Variants in RIMS2 observed in about 807,000 individuals in gnomAD.
RIMS2 encodes the protein regulating synaptic membrane exocytosis 2, also known as regulating synaptic membrane exocytosis protein 2.
A neutral mutation model predicts 174.4 loss-of-function variants in RIMS2; 59 were observed. The observed-to-expected ratio is 0.34, with a 90% CI of 0.27 to 0.42. RIMS2 has a LOEUF of 0.42. Ranked by LOEUF, RIMS2 falls within the 10% of genes least tolerant of loss-of-function variation. RIMS2 has a pLI of 1.00. For missense variants in RIMS2, 1,620 were observed against 1,666.3 expected (o/e 0.97, Z 0.48); for synonymous variants, 606 against 572.5 (o/e 1.06, Z -0.84).
At chr8:103,611,534 T>A (rs1395747941) in intron 1 of RIMS2, among the ~76,000 whole-genome samples, 2 of 81,776 alleles carry the variant, frequency 2.4e-5, no homozygotes, top group African/African-American at 5.1e-5. Flanking sequence ...TTGGGAGGAA[T>A]TTTTTTTTTT....
chr8:103,538,391 T>C (rs1840849892), intron 1 of RIMS2, among the ~76,000 whole-genome samples: 1 of 152,166 alleles, frequency 6.6e-6, no homozygotes, highest in Non-Finnish European at 1.5e-5. Context: ...CATGAGTAAG[T>C]TCTTTCCTGG....
intron 19 of RIMS2, among the ~76,000 whole-genome samples, chr8:104,139,525 A>T (rs968677069): frequency 8.6e-5 from 13 of 151,994 alleles, no homozygotes; most frequent in African/African-American, 2.9e-4. Flanking sequence ...TGTAGCTATT[A>T]TATGTGAGAT....
At chr8:104,192,004 T>G (rs564194662) in intron 19 of RIMS2, among the ~76,000 whole-genome samples, 3 of 152,126 alleles carry the variant, frequency 2.0e-5, no homozygotes, top group Non-Finnish European at 4.4e-5. Flanking sequence ...CCAGAAGAAT[T>G]AAGCCTAATG....
intron 1 of RIMS2, among the ~76,000 whole-genome samples, chr8:103,574,483 A>G (rs187264217): frequency 6.6e-6 from 1 of 152,302 alleles, no homozygotes; most frequent in East Asian, 1.9e-4. Context: ...TCTTATTTTT[A>G]GAGATTACTT....
chr8:103,892,999 A>T (rs2099255962), intron 4 of RIMS2, among the ~76,000 whole-genome samples: 1 of 151,980 alleles, frequency 6.6e-6, no homozygotes, highest in Admixed American at 6.6e-5. Context: ...GACATAAAAG[A>T]GCAAATGTCC....
chr8:104,013,720 G>A (rs2095827241), intron 18 of RIMS2, 99 bp downstream of exon 20: 2 of 919,776 alleles, frequency 2.2e-6, no homozygotes, highest in Admixed American at 4.0e-5. Flanking sequence ...ATCTTTGGCT[G>A]ATCACTAGTA....
intron 1 of RIMS2, among the ~76,000 whole-genome samples, chr8:103,532,544 A>G (rs960640192): frequency 2.0e-5 from 3 of 152,256 alleles, no homozygotes; most frequent in African/African-American, 7.2e-5. Flanking sequence ...TAAAAAGTCA[A>G]AAGGATACGA....
At chr8:103,679,488 T>C (rs1368796953) in intron 1 of RIMS2, among the ~76,000 whole-genome samples, 1 of 151,908 alleles carries the variant, frequency 6.6e-6, no homozygotes, top group Non-Finnish European at 1.5e-5. Context: ...ATAGAGGTAG[T>C]TAACTTTTGG....
intron 1 of RIMS2, among the ~76,000 whole-genome samples, chr8:103,670,241 C>T (rs1277571084): frequency 6.6e-6 from 1 of 152,200 alleles, no homozygotes; most frequent in Admixed American, 6.5e-5. Flanking sequence ...GGCACGAAGA[C>T]CCTAGGCTGC....
At chr8:103,905,593 GT>G (rs904241797) in intron 4 of RIMS2, among the ~76,000 whole-genome samples, 1 of 150,152 alleles carries the variant, frequency 6.7e-6, no homozygotes, top group African/African-American at 2.4e-5. Flanking sequence ...GTTTTACATA[GT>G]TTTTCAATCT....
intron 18 of RIMS2, 114 bp downstream of exon 20, chr8:104,013,735 TCG>T: frequency 7.8e-6 from 6 of 769,530 alleles, no homozygotes; most frequent in South Asian, 6.6e-5. Context: ...CTAGTAACAA[TCG>T]ATACTAACCT....
chr8:103,948,956 T>C (rs1295091398), intron 14 of RIMS2, among the ~76,000 whole-genome samples: 1 of 135,866 alleles, frequency 7.4e-6, no homozygotes, highest in Non-Finnish European at 1.6e-5. Flanking sequence ...TGAGACCCCA[T>C]TTTTACAAAA....
At chr8:103,734,227 G>A (rs2097652959) in intron 2 of RIMS2, among the ~76,000 whole-genome samples, 1 of 150,668 alleles carries the variant, frequency 6.6e-6, no homozygotes, top group Non-Finnish European at 1.5e-5. Context: ...TGGCCAGGAT[G>A]GTCTCAATCT....
At chr8:103,712,043 G>A (rs1437957719) in intron 2 of RIMS2, among the ~76,000 whole-genome samples, 2 of 151,572 alleles carry the variant, frequency 1.3e-5, no homozygotes, top group Admixed American at 6.6e-5. Context: ...CCAGGTTAGA[G>A]TGCAGAGGCA....
At chr8:104,245,298 T>G (rs149007436) in intron 20 of RIMS2, among the ~76,000 whole-genome samples, 38 of 152,348 alleles carry the variant, frequency 2.5e-4, no homozygotes, top group African/African-American at 8.2e-4. Context: ...GTTGCTAAAG[T>G]GTGACTCTTA....
intron 3 of RIMS2, among the ~76,000 whole-genome samples, chr8:103,827,106 G>A (rs182300962): frequency 5.1e-4 from 77 of 152,198 alleles, no homozygotes; most frequent in African/African-American, 1.9e-3. Flanking sequence ...TCTTCCAGTG[G>A]TGTATCTCTT....
intron 1 of RIMS2, among the ~76,000 whole-genome samples, chr8:103,678,235 A>G (rs977922894): frequency 6.6e-6 from 1 of 152,210 alleles, no homozygotes; most frequent in Non-Finnish European, 1.5e-5. Context: ...AATAATATAC[A>G]CACAATACAT....
chr8:103,983,611 C>G (rs987853101), intron 16 of RIMS2, among the ~76,000 whole-genome samples: 5 of 152,128 alleles, frequency 3.3e-5, no homozygotes, highest in African/African-American at 1.2e-4. Flanking sequence ...ACAGTGAACT[C>G]ATTTTTGACA....
rs71297262 is a variant in RIMS2, at chr8:104,173,613, A to ATTTTTTTTTTTTTT, written c.3335-71283_3335-71270dup. On this transcript the variant is annotated intron_variant, in intron 19 of 23. Transcript: ENST00000504942. ...AATATTTACTACCTTAGCTCTTCTG[A>ATTTTTTTTTTTTTT]TTTTTTTTTTTTTTTTTTTTTTTTT... Among the ~76,000 whole-genome samples the ATTTTTTTTTTTTTT allele has an allele frequency of 3.9e-4, 21 of 54,236 alleles. 2 individuals are homozygous for ATTTTTTTTTTTTTT. Among genetic ancestry groups the ATTTTTTTTTTTTTT allele is most frequent in the South Asian group, 1.1e-3 (1 of 950 alleles). 35.6% of individuals were successfully genotyped at this position (54,236 alleles called of 152,430 possible). A position where few individuals can be genotyped will look rare whatever the true frequency, so the allele number is the denominator to read the frequency against.
Sources: gnomAD v4.1 joint callset for allele counts (sites outside exome capture counted in the v4.1 genomes callset) on GRCh38, gnomAD v4.1.1 for gene constraint, MANE v1.5 for transcripts, NCBI Gene and HGNC (gene_info 2026-07-23, HGNC 2026-07-21) for gene names.